The following CD2AP variants were observed in gnomAD, a reference collection of about 807,000 sequenced individuals.
CD2AP encodes the protein CD2 associated protein, also known as CD2-associated protein.
CD2AP carries 46 observed loss-of-function variants against 85.1 expected under a neutral mutation model. The observed-to-expected ratio is 0.54, with a 90% confidence interval of 0.43 to 0.69. The LOEUF (loss-of-function observed/expected upper bound fraction) is 0.69, where lower values mean the gene tolerates loss of function less well. CD2AP is among the 30% of genes least tolerant of loss of function. CD2AP has a pLI of 0.00. For synonymous variants in CD2AP, 255 were observed against 252.9 expected (o/e 1.01, Z -0.08); for missense variants, 769 against 729.5 (o/e 1.05, Z -0.62).
chr6:47,543,876 A>G (rs1238985656), intron 3 of CD2AP, among the ~76,000 whole-genome samples: 1 of 152,196 alleles, frequency 6.6e-6, no homozygotes, highest in Non-Finnish European at 1.5e-5. Flanking sequence ...CCCAGGTTAC[A>G]CTGTTGCTGC....
intron 2 of CD2AP, among the ~76,000 whole-genome samples, chr6:47,525,535 T>C (rs1193813270): frequency 1.3e-5 from 2 of 152,184 alleles, no homozygotes; most frequent in Non-Finnish European, 2.9e-5. Flanking sequence ...TTTCAAATCA[T>C]GATAATGGCC....
chr6:47,537,413 A>C (rs1335109979), intron 3 of CD2AP, among the ~76,000 whole-genome samples: 1 of 151,996 alleles, frequency 6.6e-6, no homozygotes. Flanking sequence ...GGGTTAGAAC[A>C]CCCTACCCTC....
chr6:47,537,613 A>G (rs190623839), intron 3 of CD2AP, among the ~76,000 whole-genome samples: 18 of 152,288 alleles, frequency 1.2e-4, no homozygotes, highest in Admixed American at 1.1e-3. Context: ...AAAGTATGCT[A>G]CAGACATAAT....
chr6:47,513,587 A>T (rs1161744757), intron 2 of CD2AP, among the ~76,000 whole-genome samples: 1 of 152,040 alleles, frequency 6.6e-6, no homozygotes, highest in Non-Finnish European at 1.5e-5. Context: ...CTGCACATAC[A>T]GTATTATAGG....
At chr6:47,549,083 C>T (rs1235002289) in intron 4 of CD2AP, among the ~76,000 whole-genome samples, 1 of 152,076 alleles carries the variant, frequency 6.6e-6, no homozygotes, top group Non-Finnish European at 1.5e-5. Context: ...TATGCAAAAC[C>T]ACAGCCAACA....
chr6:47,495,997 TA>T (rs1459511953), intron 1 of CD2AP, among the ~76,000 whole-genome samples: 1 of 152,200 alleles, frequency 6.6e-6, no homozygotes, highest in African/African-American at 2.4e-5. Flanking sequence ...TTTAATTTCC[TA>T]TATGATGTTA....
chr6:47,624,117 A>G lies in CD2AP; in HGVS notation c.1879-69A>G, dbSNP rs2114168814. 3.3e-6 allele frequency: 4 copies of G among 1,201,234 alleles called. No individual in the cohort carries two copies. The East Asian group carries it at 9.5e-5, about 28-fold the overall frequency. 74.4% of individuals were successfully genotyped at this position (1,201,234 alleles called of 1,614,324 possible). ...TTGAAAGTATGATCACATCTTAATG[A>G]CATAGAGTAAAATAAACTACTAAAC... On this transcript the variant is annotated intron_variant, in intron 17 of 17. Transcript: ENST00000359314.
chr6:47,559,571 A>G (rs1465039134), intron 5 of CD2AP, among the ~76,000 whole-genome samples: 1 of 152,148 alleles, frequency 6.6e-6, no homozygotes, highest in East Asian at 1.9e-4. Flanking sequence ...TTAATTTTAG[A>G]GAAAAAAGTC....
At chr6:47,601,766 T>G (rs564387158) in intron 13 of CD2AP, among the ~76,000 whole-genome samples, 41 of 152,144 alleles carry the variant, frequency 2.7e-4, no homozygotes, top group Admixed American at 1.2e-3. Context: ...TTTAATATGT[T>G]TTAGAAAGTT....
intron 11 of CD2AP, among the ~76,000 whole-genome samples, 164 bp from the exon 12 acceptor site, chr6:47,595,697 T>C (rs568982859): frequency 1.3e-5 from 2 of 152,102 alleles, no homozygotes; most frequent in Admixed American, 6.6e-5. Context: ...TAAATTAAAA[T>C]ATAACTTTAA....
chr6:47,621,618 G>A (rs1252674146), intron 17 of CD2AP, among the ~76,000 whole-genome samples: 2 of 152,198 alleles, frequency 1.3e-5, no homozygotes, highest in East Asian at 3.9e-4. Context: ...GAAAGGATTG[G>A]TACCCATTCT....
intron 2 of CD2AP, among the ~76,000 whole-genome samples, chr6:47,506,892 T>G (rs1457057920): frequency 6.6e-6 from 1 of 152,076 alleles, no homozygotes; most frequent in African/African-American, 2.4e-5. Flanking sequence ...ACAATGAAGT[T>G]TGCTGCATCA....
intron 3 of CD2AP, among the ~76,000 whole-genome samples, chr6:47,539,246 C>T (rs189503829): frequency 6.6e-6 from 1 of 152,274 alleles, no homozygotes. Context: ...GTGTTTTATA[C>T]TGTAAACTCA....
Position 47,599,343 on chromosome 6 carries a change from T to G in CD2AP, c.1317T>G (p.Thr439=). 1.9e-6 allele frequency: 3 copies of G among 1,612,204 alleles called. No homozygotes were observed. Among genetic ancestry groups the G allele is most frequent in the Non-Finnish European group, 2.5e-6 (3 of 1,178,738 alleles). Residue 439 remains threonine, a synonymous_variant, in exon 13 of 18, where the codon ACT becomes ACG. Transcript: ENST00000359314. ...EVSSISSKFE[T]EPVSKLKLDS... ...CTAGCATTTCATCAAAATTTGAAAC[T>G]GAGCCAGTATCAAAACTAAAGCTAG...
chr6:47,562,719 T>C lies in CD2AP; in HGVS notation c.541+7953T>C, dbSNP rs1357755975. The C allele has an allele frequency of 2.0e-5, 15 of 740,648 alleles. No homozygotes were observed. In the East Asian group the frequency reaches 3.2e-4, roughly 16 times the overall value. 45.9% of individuals were successfully genotyped at this position (740,648 alleles called of 1,614,324 possible). A position where few individuals can be genotyped will look rare whatever the true frequency, so the allele number is the denominator to read the frequency against. ...ACCCTCATCCACAGTAGCCTAGCAG[T>C]GAAATTTGTGAAGCTGGCCAAGCCT... On this transcript the variant is annotated intron_variant, in intron 5 of 17. Transcript: ENST00000359314.
At chr6:47,615,782 A>ATTTT (rs1769562744) in intron 17 of CD2AP, among the ~76,000 whole-genome samples, 1 of 145,060 alleles carries the variant, frequency 6.9e-6, no homozygotes, top group Non-Finnish European at 1.5e-5. Flanking sequence ...TTTTAATTTT[A>ATTTT]ATTTAATTTA....
chr6:47,576,545 G>A lies in CD2AP; in HGVS notation c.751G>A (p.Gly251Arg). 2 of 1,612,064 alleles carry A rather than the reference G, an allele frequency of 1.2e-6. No individual in the cohort carries two copies. The highest frequency in any genetic ancestry group is 1.3e-5 in the African/African-American group (1 of 74,946). ...PEKPLILQSL[G>R]PKTQSVEITK... is the part of the protein sequence containing the mutation. ...CTAGCCCTTAATCCTACAGTCACTG[G>A]GACCCAAAACTCAGAGTGTGGAGAT... is the stretch of plus-strand genomic sequence containing the variant. The change falls in exon 7 of 18, where the codon GGA (glycine) becomes AGA (arginine). Residue 251 changes from glycine to arginine, a missense_variant. Coordinates refer to ENST00000359314, the MANE Select transcript of CD2AP (RefSeq NM_012120.3).
intron 1 of CD2AP, among the ~76,000 whole-genome samples, chr6:47,502,159 C>A (rs1766012427): frequency 6.6e-6 from 1 of 152,172 alleles, no homozygotes; most frequent in Admixed American, 6.5e-5. Context: ...CAGTCAGAGA[C>A]CTCCTTAAGT....
At chr6:47,537,023 C>T (rs367575812) in intron 3 of CD2AP, among the ~76,000 whole-genome samples, 1 of 152,174 alleles carries the variant, frequency 6.6e-6, no homozygotes, top group Non-Finnish European at 1.5e-5. Context: ...TGGAAACTCA[C>T]GCTACAGCAG....
Sources: allele counts gnomAD v4.1 joint callset (sites outside exome capture counted in the v4.1 genomes callset), GRCh38; gene constraint gnomAD v4.1.1; transcripts MANE v1.5; gene names NCBI Gene and HGNC (gene_info 2026-07-23, HGNC 2026-07-21).